Variants in ABCF2 observed in about 807,000 individuals in gnomAD.
ABCF2 encodes ATP binding cassette subfamily F member 2.
ABCF2 carries 37 observed loss-of-function variants against 76.9 expected under a neutral mutation model. The observed-to-expected ratio is 0.48, with a 90% CI of 0.37 to 0.63. The LOEUF (loss-of-function observed/expected upper bound fraction) is 0.63. ABCF2 is among the 30% of genes least tolerant of loss of function. ABCF2 has a pLI of 0.00. For missense variants in ABCF2, 524 were observed against 782.1 expected (o/e 0.67, Z 3.94); for synonymous variants, 299 against 283.7 (o/e 1.05, Z -0.54).
At position 151,217,852 on chromosome 7, in the gene ABCF2, C is replaced by T. The variant is rs7777614; in HGVS notation, c.1338+229G>A. Among the ~76,000 whole-genome samples, 2,202 of 152,138 alleles carry T rather than the reference C, an allele frequency of 0.014. 57 individuals are homozygous for T. The highest frequency in any genetic ancestry group is 0.05 in the African/African-American group (2,072 of 41,488). ...ACATACATGTATTCACACACACACT[C>T]TAAGACTCCTCCCTACCTATCCCTG... is the stretch of plus-strand genomic sequence containing the variant. On this transcript the variant is annotated intron_variant, in intron 11 of 14. Transcript: ENST00000287844.
chr7:151,226,586 C>T, intron 1 of ABCF2, 86 bp from the exon 2 acceptor site: 1 of 1,031,312 alleles, frequency 9.7e-7, no homozygotes, highest in Non-Finnish European at 1.4e-6. Flanking sequence ...CAGGAATCTT[C>T]GTATCAACAT....
In ABCF2 at chr7:151,221,973, A is replaced by G. The variant is rs779953033; in HGVS notation, c.819-293T>C. On this transcript the variant is annotated intron_variant, in intron 6 of 14. Transcript: ENST00000287844. ...ATAGTAACCAGAAGTGTGTATGTAC[A>G]CAAATACACCCACGAATGTATCCAA... 130 of 322,446 alleles carry G rather than the reference A, an allele frequency of 4.0e-4. 1 individual carries two copies. The highest frequency in any genetic ancestry group is 1.4e-4 in the Admixed American group (3 of 21,970). 20.0% of individuals were successfully genotyped at this position (322,446 alleles called of 1,614,324 possible). A position where few individuals can be genotyped will look rare whatever the true frequency, so the allele number is the denominator to read the frequency against.
chr7:151,217,206 C>T (rs1802168629), intron 11 of ABCF2, among the ~76,000 whole-genome samples: 1 of 152,182 alleles, frequency 6.6e-6, no homozygotes, highest in South Asian at 2.1e-4. Context: ...AGACAAGAAC[C>T]AGCCCTGAAG....
At chr7:151,216,088 A>G (rs1317026083) in intron 11 of ABCF2, 59 bp from the exon 12 acceptor site, 3 of 1,437,586 alleles carry the variant, frequency 2.1e-6, no homozygotes, top group African/African-American at 1.4e-5. Context: ...TTAGAAACAT[A>G]GGCAGAGCAG....
chr7:151,221,686 A>C lies in ABCF2; in HGVS notation c.819-6T>G. Reference sequence around the variant, plus strand: ...GGACCAAGATGCGCTTAAAACTGTAAAGCCAAAGAACCAATTAGTGAAGAG... The same window carrying C: ...GGACCAAGATGCGCTTAAAACTGTACAGCCAAAGAACCAATTAGTGAAGAG... On this transcript the variant is annotated splice_polypyrimidine_tract_variant and splice_region_variant and intron_variant, in intron 6 of 14. Coordinates refer to ENST00000287844, the MANE Select transcript of ABCF2 (RefSeq NM_007189.3). 3 of 1,595,734 alleles carry C rather than the reference A, an allele frequency of 1.9e-6. No individual in the cohort carries two copies. The highest frequency in any genetic ancestry group is 2.6e-6 in the Non-Finnish European group (3 of 1,163,442).
chr7:151,217,934 T>A, intron 11 of ABCF2, 147 bp downstream of exon 11: 1 of 624,414 alleles, frequency 1.6e-6, no homozygotes, highest in Non-Finnish European at 2.9e-6. Flanking sequence ...CCCCCTCTCC[T>A]GGCTGCTGCT....
Position 151,221,547 on chromosome 7 carries a change from A to G in ABCF2, c.921+31T>C, listed in dbSNP as rs369170028. On this transcript the variant is annotated intron_variant, in intron 7 of 14. Coordinates refer to ENST00000287844, the MANE Select transcript of ABCF2 (RefSeq NM_007189.3). ...AATTTCAGAGAATTGGTATGCACAGAGATTACCAGAAGAAGCCGAGGCCCA... is the reference window on the plus strand; with the variant it reads ...AATTTCAGAGAATTGGTATGCACAGGGATTACCAGAAGAAGCCGAGGCCCA... 4.5e-6 allele frequency: 6 copies of G among 1,319,536 alleles called. No homozygotes were observed. The African/African-American group carries it at 8.8e-5, about 19-fold the overall frequency. 81.7% of individuals were successfully genotyped at this position (1,319,536 alleles called of 1,614,324 possible).
intron 6 of ABCF2, among the ~76,000 whole-genome samples, chr7:151,222,229 G>GA (rs201275083): frequency 1.4e-5 from 2 of 147,366 alleles, no homozygotes; most frequent in Non-Finnish European, 3.0e-5. Flanking sequence ...ATACAATTAA[G>GA]AAAAAAAATA....
chr7:151,213,777 C>T lies in ABCF2; in HGVS notation c.*277G>A, dbSNP rs1802095312. 2 of 1,236,434 alleles carry T rather than the reference C, an allele frequency of 1.6e-6. No homozygotes were observed. Among genetic ancestry groups the T allele is most frequent in the Non-Finnish European group, 1.0e-6 (1 of 986,822 alleles). The allele number at this position is 1,236,434 out of a possible 1,614,324, so 76.6% of individuals were successfully genotyped here. On this transcript the variant is annotated 3_prime_UTR_variant, in exon 15 of 15. Coordinates refer to ENST00000287844, the MANE Select transcript of ABCF2 (RefSeq NM_007189.3). ...CGCAGGTGCCTCTGACTGCATCACA[C>T]TCAGAGTAAGATAACCAGCAAGGGG... is the stretch of plus-strand genomic sequence containing the variant.
intron 6 of ABCF2, among the ~76,000 whole-genome samples, chr7:151,222,228 A>T (rs1051076489): frequency 6.6e-6 from 1 of 151,840 alleles, no homozygotes; most frequent in South Asian, 2.1e-4. Context: ...TATACAATTA[A>T]GAAAAAAAAT....
intron 3 of ABCF2, 71 bp from the exon 4 acceptor site, chr7:151,224,185 C>A: frequency 6.6e-7 from 1 of 1,505,786 alleles, no homozygotes; most frequent in Non-Finnish European, 9.0e-7. Flanking sequence ...AGTTCTTCCA[C>A]CCCAGTCAAA....
intron 7 of ABCF2, among the ~76,000 whole-genome samples, chr7:151,221,373 T>TGTATTTTTA (rs1802264028): frequency 6.6e-6 from 1 of 152,072 alleles, no homozygotes; most frequent in African/African-American, 2.4e-5. Flanking sequence ...CTAATTTTTT[T>TGTATTTTTA]GTATTTTTAG....
chr7:151,226,664 A>G, intron 1 of ABCF2, 164 bp from the exon 2 acceptor site: 1 of 514,080 alleles, frequency 1.9e-6, no homozygotes, highest in Non-Finnish European at 3.4e-6. Context: ...TCCCAAACCA[A>G]TGCCGATTCT....
At position 151,219,234 on chromosome 7, in the gene ABCF2, G is replaced by C. The variant is rs1014016521; in HGVS notation, c.922-75C>G. The C allele has an allele frequency of 3.9e-6, 5 of 1,295,578 alleles. No individual in the cohort carries two copies. The Admixed American group carries it at 6.7e-5, about 17-fold the overall frequency. The allele number at this position is 1,295,578 out of a possible 1,614,324, so 80.3% of individuals were successfully genotyped here. On this transcript the variant is annotated intron_variant, in intron 7 of 14. Transcript: ENST00000287844. ...ATCCTGGATTCTCACTCAGAGTTTA[G>C]GGGGATGAGGGATGGCACTAACTTG...
Position 151,212,333 on chromosome 7 carries a change from G to A in ABCF2, c.*1721C>T. 2.4e-5 allele frequency: 24 copies of A among 985,442 alleles called. No homozygotes were observed. The highest frequency in any genetic ancestry group is 2.9e-5 in the Non-Finnish European group (24 of 829,928). 61.0% of individuals were successfully genotyped at this position (985,442 alleles called of 1,614,324 possible). ...CCCTGGGCTGGAAGTGAATTCAACA[G>A]TGATGATAACTATGGCTGTGGACAG... On this transcript the variant is annotated 3_prime_UTR_variant, in exon 15 of 15. Transcript: ENST00000287844.
chr7:151,221,713 T>G, intron 6 of ABCF2, 33 bp from the exon 7 acceptor site: 1 of 1,494,864 alleles, frequency 6.7e-7, no homozygotes, highest in Non-Finnish European at 9.3e-7. Flanking sequence ...AGTGAAGAGC[T>G]CAACCATGGG....
chr7:151,224,699 T>C (rs889388694), intron 3 of ABCF2, 77 bp downstream of exon 3: 39 of 1,364,772 alleles, frequency 2.9e-5, no homozygotes, highest in East Asian at 6.9e-5. Flanking sequence ...CTGAACACAG[T>C]TGATGCTAAA....
intron 1 of ABCF2, 44 bp downstream of exon 1, chr7:151,227,119 C>A (rs1802390058): frequency 6.6e-6 from 1 of 152,550 alleles, no homozygotes; most frequent in African/African-American, 2.4e-5. Flanking sequence ...TTCCCCCTCA[C>A]CGGCGGGGAC....
Position 151,211,725 on chromosome 7 carries a change from C to T in ABCF2, c.*2329G>A. The T allele has an allele frequency of 2.0e-6, 2 of 985,400 alleles. No homozygotes were observed. The highest frequency in any genetic ancestry group is 2.4e-6 in the Non-Finnish European group (2 of 829,934). 61.0% of individuals were successfully genotyped at this position (985,400 alleles called of 1,614,324 possible). A position where few individuals can be genotyped will look rare whatever the true frequency, so the allele number is the denominator to read the frequency against. On this transcript the variant is annotated 3_prime_UTR_variant, in exon 15 of 15. Coordinates refer to ENST00000287844, the MANE Select transcript of ABCF2 (RefSeq NM_007189.3). Reference sequence around the variant, plus strand: ...GTCCCCATTATCCCAGCAGCCCACTCTCCAGATGCCATTCTCCCCTGAACC... The same window carrying T: ...GTCCCCATTATCCCAGCAGCCCACTTTCCAGATGCCATTCTCCCCTGAACC...
Sources: gnomAD v4.1 joint callset for allele counts (sites outside exome capture counted in the v4.1 genomes callset) on GRCh38, gnomAD v4.1.1 for gene constraint, MANE v1.5 for transcripts, NCBI Gene and HGNC (gene_info 2026-07-23, HGNC 2026-07-21) for gene names.